The following SKIL variants were observed in gnomAD, a reference collection of about 807,000 sequenced individuals.
SKIL encodes the protein SKI like proto-oncogene, also known as ski-like protein.
In SKIL, 20 loss-of-function variants were observed where a neutral mutation model predicts 69.6. That is an observed-to-expected ratio of 0.29 (90% confidence interval 0.20 to 0.42). SKIL has a LOEUF of 0.42. Ranked by LOEUF, SKIL falls within the 10% of genes least tolerant of loss-of-function variation. SKIL has a pLI of 1.00. For synonymous variants in SKIL, 310 were observed against 279.9 expected, an observed-to-expected ratio of 1.11 and a Z score of -1.08; for missense variants, 745 against 783.1, an observed-to-expected ratio of 0.95 and a Z score of 0.58.
intron 2 of SKIL, among the ~76,000 whole-genome samples, chr3:170,374,560 T>C (rs1456671026): frequency 2.6e-5 from 4 of 152,216 alleles, no homozygotes; most frequent in Non-Finnish European, 5.9e-5. Context: ...TATTCCTGAT[T>C]AGTAGCATTA....
At position 170,392,239 on chromosome 3, in the gene SKIL, G is replaced by C; in HGVS notation, c.1897-20G>C. ...AAAAACAAAACAATTAAAATTGATAGCGCCTTTTAAATCACATAGTTGGCA... is the reference window on the plus strand; with the variant it reads ...AAAAACAAAACAATTAAAATTGATACCGCCTTTTAAATCACATAGTTGGCA... On this transcript the variant is annotated intron_variant, in intron 6 of 6. Coordinates refer to ENST00000259119, the MANE Select transcript of SKIL (RefSeq NM_005414.5). The C allele has an allele frequency of 6.4e-7, 1 of 1,559,932 alleles. No homozygotes were observed.
intron 3 of SKIL, 100 bp downstream of exon 3, chr3:170,381,441 A>AT (rs1251716727): frequency 1.2e-4 from 56 of 472,044 alleles, no homozygotes; most frequent in African/African-American, 2.7e-4. Context: ...TTATTTATTT[A>AT]TTTTTTTTGG....
chr3:170,361,064 G>T lies in SKIL; in HGVS notation c.733G>T (p.Val245Leu). 2 of 1,614,160 alleles carry T rather than the reference G, an allele frequency of 1.2e-6. No homozygotes were observed. Among genetic ancestry groups the T allele is most frequent in the Non-Finnish European group, 8.5e-7 (1 of 1,180,040 alleles). ...RPRTFPQNGS[V>L]LPAKSSLAQL... ...ACGAACTTTTCCTCAAAATGGTAGC[G>T]TACTTCCTGCTAAAAGCTCATTGGC... Residue 245 changes from valine to leucine, a missense_variant, in exon 2 of 7, where the codon GTA (valine) becomes TTA (leucine). Coordinates refer to ENST00000259119, the MANE Select transcript of SKIL (RefSeq NM_005414.5).
In SKIL at chr3:170,392,412, G is replaced by A; in HGVS notation, c.2050G>A (p.Glu684Lys). The part of the protein sequence containing the change: ...QILKSSKTAK[E>K] ...TCTGAAATCATCAAAGACTGCTAAA[G>A]AATAGAAACTGTTAAAGAGATTCAT... The change falls in exon 7 of 7, where the codon GAA becomes AAA. Residue 684 changes from glutamate (E) to lysine (K), a missense_variant. Coordinates refer to ENST00000259119, the MANE Select transcript of SKIL (RefSeq NM_005414.5). The A allele has an allele frequency of 6.2e-7, 1 of 1,604,684 alleles. No homozygotes were observed. The highest frequency in any genetic ancestry group is 8.5e-7 in the Non-Finnish European group (1 of 1,174,574).
intron 4 of SKIL, among the ~76,000 whole-genome samples, chr3:170,387,760 A>AAAAAAAAAAC (rs1553855551): frequency 2.2e-4 from 4 of 18,042 alleles, no homozygotes; most frequent in East Asian, 3.9e-3. Context: ...CGTCTCTACT[A>AAAAAAAAAAC]AAAAAAAAAA....
intron 3 of SKIL, among the ~76,000 whole-genome samples, 188 bp from the exon 4 acceptor site, chr3:170,384,345 T>G (rs1314773867): frequency 6.6e-6 from 1 of 152,174 alleles, no homozygotes; most frequent in Non-Finnish European, 1.5e-5. Context: ...TAATTTTGTT[T>G]GTAATGCCTA....
intron 2 of SKIL, among the ~76,000 whole-genome samples, chr3:170,380,038 T>C (rs1474549930): frequency 6.6e-6 from 1 of 152,214 alleles, no homozygotes; most frequent in Non-Finnish European, 1.5e-5. Context: ...AAGAATGATG[T>C]ATAAAGTTCT....
chr3:170,374,088 T>C (rs1200473063), intron 2 of SKIL, among the ~76,000 whole-genome samples: 1 of 152,204 alleles, frequency 6.6e-6, no homozygotes, highest in Non-Finnish European at 1.5e-5. Context: ...GGTTCTTCAT[T>C]AGGAAATCTG....
chr3:170,376,975 AG>A (rs2108208577), intron 2 of SKIL, among the ~76,000 whole-genome samples: 1 of 152,310 alleles, frequency 6.6e-6, no homozygotes, highest in East Asian at 1.9e-4. Context: ...TCTATGCTAA[AG>A]CCTTTACTCA....
intron 4 of SKIL, among the ~76,000 whole-genome samples, chr3:170,388,475 CAA>C (rs999643000): frequency 6.6e-6 from 1 of 151,678 alleles, no homozygotes; most frequent in African/African-American, 2.4e-5. Context: ...TTTCCTGAGA[CAA>C]AGTCTGGCTG....
intron 2 of SKIL, among the ~76,000 whole-genome samples, chr3:170,376,472 G>T (rs1230770647): frequency 6.6e-6 from 1 of 152,116 alleles, no homozygotes; most frequent in Non-Finnish European, 1.5e-5. Context: ...TAAAAGCATT[G>T]TGTTTTTTTA....
intron 2 of SKIL, among the ~76,000 whole-genome samples, chr3:170,377,771 G>A (rs1472833352): frequency 2.6e-5 from 4 of 151,270 alleles, no homozygotes; most frequent in Non-Finnish European, 5.9e-5. Flanking sequence ...GGCCAGGCTG[G>A]TCTTGAACTC....
At chr3:170,388,547 C>T (rs1490807631) in intron 4 of SKIL, among the ~76,000 whole-genome samples, 1 of 152,036 alleles carries the variant, frequency 6.6e-6, no homozygotes, top group Non-Finnish European at 1.5e-5. Context: ...ATCCTTTCAC[C>T]TCAGCCTCCC....
chr3:170,361,403 A>G lies in SKIL; in HGVS notation c.1072A>G (p.Arg358Gly). ...AGAAATGAAGGAGAAGTTTAGCATGAGAAGTGGAAAGAGAAATCAATCCAA... is the reference window on the plus strand; with the variant it reads ...AGAAATGAAGGAGAAGTTTAGCATGGGAAGTGGAAAGAGAAATCAATCCAA... Reference protein sequence around the residue: ...LEEMKEKFSMRSGKRNQSKTD... With the variant: ...LEEMKEKFSMGSGKRNQSKTD... Residue 358 changes from arginine (R) to glycine (G), a missense_variant, in exon 2 of 7, where the codon AGA (arginine) becomes GGA (glycine). Coordinates refer to ENST00000259119, the MANE Select transcript of SKIL (RefSeq NM_005414.5). The G allele has an allele frequency of 6.3e-7, 1 of 1,584,732 alleles. No individual in the cohort carries two copies. The highest frequency in any genetic ancestry group is 8.5e-7 in the Non-Finnish European group (1 of 1,169,640).
chr3:170,361,080 G>T lies in SKIL; in HGVS notation c.749G>T (p.Ser250Ile), dbSNP rs757059818. ...PQNGSVLPAK[S>I]SLAQLKETGS... ...AATGGTAGCGTACTTCCTGCTAAAA[G>T]CTCATTGGCCCAGTTAAAGGAAACT... The change falls in exon 2 of 7, where the codon AGC becomes ATC. Residue 250 changes from serine (S) to isoleucine (I), a missense_variant. By Grantham distance (142) the Ser-to-Ile change is moderately radical (BLOSUM62 -2). Transcript: ENST00000259119. 6.2e-7 allele frequency: 1 copy of T among 1,614,220 alleles called. No individual in the cohort carries two copies. Among genetic ancestry groups the T allele is most frequent in the South Asian group, 1.1e-5 (1 of 91,082 alleles).
intron 2 of SKIL, among the ~76,000 whole-genome samples, chr3:170,367,927 G>A (rs527281719): frequency 3.3e-5 from 5 of 152,246 alleles, no homozygotes; most frequent in Non-Finnish European, 5.9e-5. Context: ...CCCTGAAAGC[G>A]TATTAGCCGT....
At chr3:170,367,130 C>T (rs1194046034) in intron 2 of SKIL, among the ~76,000 whole-genome samples, 4 of 152,034 alleles carry the variant, frequency 2.6e-5, no homozygotes, top group South Asian at 4.1e-4. Flanking sequence ...TTTTTTGAGA[C>T]GAGAGTCTCG....
In SKIL at chr3:170,372,944, C is replaced by T. The variant is rs150259915; in HGVS notation, c.1099-8300C>T. On this transcript the variant is annotated intron_variant, in intron 2 of 6. Transcript: ENST00000259119. ...CACAAATTTAAAAATTAATCTTTAT[C>T]ACTTATAGCACTTTAAAAATTCTGT... 5.3e-3 allele frequency among the ~76,000 whole-genome samples: 809 copies of T among 151,940 alleles called. 6 individuals carry two copies. Among genetic ancestry groups the T allele is most frequent in the African/African-American group, 0.018 (734 of 41,454 alleles).
At chr3:170,363,359 A>G (rs762483493) in intron 2 of SKIL, among the ~76,000 whole-genome samples, 2 of 152,204 alleles carry the variant, frequency 1.3e-5, no homozygotes, top group Non-Finnish European at 2.9e-5. Flanking sequence ...GGTTAAGCCT[A>G]ATGAAGATAA....
Sources: allele counts gnomAD v4.1 joint callset (sites outside exome capture counted in the v4.1 genomes callset), GRCh38; gene constraint gnomAD v4.1.1; transcripts MANE v1.5; gene names NCBI Gene and HGNC (gene_info 2026-07-23, HGNC 2026-07-21).